RALYL: variants seen among roughly 807,000 people sequenced by gnomAD.
RALYL encodes the protein RALY RNA binding protein like.
A neutral mutation model predicts 35.1 loss-of-function variants in RALYL; 29 were observed. That is an observed-to-expected ratio of 0.83 (90% CI 0.61 to 1.13). The LOEUF (loss-of-function observed/expected upper bound fraction) is 1.13, where lower values mean the gene tolerates loss of function less well. Among genes scored for constraint, RALYL ranks in the 50% most tolerant of loss-of-function variants. RALYL has a pLI of 0.00. For synonymous variants in RALYL, 120 were observed against 127.6 expected, an observed-to-expected ratio of 0.94 and a Z score of 0.40; for missense variants, 359 against 360.4, an observed-to-expected ratio of 1.00 and a Z score of 0.03.
Position 84,396,635 on chromosome 8 carries a change from C to A in RALYL, c.-23-132664C>A, listed in dbSNP as rs190251485. Among the ~76,000 whole-genome samples the A allele has an allele frequency of 5.3e-5, 8 of 151,772 alleles. No individual in the cohort carries two copies. The East Asian group carries it at 1.6e-3, about 29-fold the overall frequency. ...AATTAAAGAAAATTAATGAAAATTC[C>A]TTTGATATAAATACTTAGGTCTTAC... is the stretch of plus-strand genomic sequence containing the variant. On this transcript the variant is annotated intron_variant, in intron 1 of 8. Transcript: ENST00000521268.
intron 8 of RALYL, among the ~76,000 whole-genome samples, chr8:84,890,307 G>T (rs1006285583): frequency 6.6e-6 from 1 of 152,158 alleles, no homozygotes; most frequent in Admixed American, 6.6e-5. Flanking sequence ...GAGTTTGAGG[G>T]AGTTCAAGCA....
At chr8:84,754,577 G>A (rs1394386853) in intron 2 of RALYL, among the ~76,000 whole-genome samples, 1 of 152,148 alleles carries the variant, frequency 6.6e-6, no homozygotes, top group Non-Finnish European at 1.5e-5. Flanking sequence ...CCTCATACTT[G>A]AAGAGTGTTT....
chr8:84,728,132 C>T (rs1163292576), intron 2 of RALYL, among the ~76,000 whole-genome samples: 1 of 151,268 alleles, frequency 6.6e-6, no homozygotes, highest in Non-Finnish European at 1.5e-5. Flanking sequence ...CTCTCCAGCA[C>T]CTGTTGTTTC....
chr8:84,875,095 A>AT (rs1840883406), intron 7 of RALYL, among the ~76,000 whole-genome samples: 1 of 152,170 alleles, frequency 6.6e-6, no homozygotes, highest in Non-Finnish European at 1.5e-5. Context: ...ATACTTTTTA[A>AT]TAAAAAAAAT....
chr8:84,664,163 C>T (rs368163585), intron 2 of RALYL, among the ~76,000 whole-genome samples: 107 of 151,404 alleles, frequency 7.1e-4, no homozygotes, highest in African/African-American at 2.5e-3. Flanking sequence ...CTATTATGTT[C>T]CATTGGTCTT....
At chr8:84,515,792 GA>G in intron 1 of RALYL, among the ~76,000 whole-genome samples, 1 of 152,044 alleles carries the variant, frequency 6.6e-6, no homozygotes, top group African/African-American at 2.4e-5. Flanking sequence ...TCCAGCCCAA[GA>G]GGTATGACAG....
At chr8:84,842,725 T>C (rs1180686525) in intron 4 of RALYL, among the ~76,000 whole-genome samples, 1 of 152,026 alleles carries the variant, frequency 6.6e-6, no homozygotes, top group Non-Finnish European at 1.5e-5. Flanking sequence ...CTCAGTAAAA[T>C]ACTGACAAAC....
intron 1 of RALYL, among the ~76,000 whole-genome samples, chr8:84,411,913 A>C (rs1378875078): frequency 2.0e-5 from 3 of 151,932 alleles, no homozygotes; most frequent in African/African-American, 7.2e-5. Flanking sequence ...ATTGTCAAAG[A>C]CTTAAACTTG....
At chr8:84,840,405 G>A (rs914130166) in intron 4 of RALYL, among the ~76,000 whole-genome samples, 1 of 152,144 alleles carries the variant, frequency 6.6e-6, no homozygotes, top group Non-Finnish European at 1.5e-5. Flanking sequence ...GAAGTGAGAA[G>A]AGAAGTTTAG....
chr8:84,301,803 A>G (rs1035221051), intron 1 of RALYL, among the ~76,000 whole-genome samples: 3 of 152,088 alleles, frequency 2.0e-5, no homozygotes, highest in Non-Finnish European at 4.4e-5. Context: ...TTTTATATAT[A>G]ATTTAATTAA....
At chr8:84,641,124 C>A (rs953888002) in intron 2 of RALYL, among the ~76,000 whole-genome samples, 2 of 151,088 alleles carry the variant, frequency 1.3e-5, no homozygotes, top group African/African-American at 4.8e-5. Context: ...AAATTATTAT[C>A]TTTTCTTTAT....
At chr8:84,339,479 C>T (rs1035591806) in intron 1 of RALYL, among the ~76,000 whole-genome samples, 1 of 151,878 alleles carries the variant, frequency 6.6e-6, no homozygotes, top group Non-Finnish European at 1.5e-5. Flanking sequence ...CATTGTCTCC[C>T]AGATGGGACC....
At chr8:84,628,511 T>C (rs1823232825) in intron 2 of RALYL, among the ~76,000 whole-genome samples, 1 of 152,166 alleles carries the variant, frequency 6.6e-6, no homozygotes, top group African/African-American at 2.4e-5. Context: ...ATTTAAGTCC[T>C]ACAGAGTAGG....
intron 2 of RALYL, among the ~76,000 whole-genome samples, chr8:84,684,391 G>T (rs1442282284): frequency 6.6e-6 from 1 of 152,136 alleles, no homozygotes; most frequent in African/African-American, 2.4e-5. Flanking sequence ...AATATAAACA[G>T]ATATGCCCAA....
At chr8:84,421,859 T>C (rs1194062710) in intron 1 of RALYL, among the ~76,000 whole-genome samples, 1 of 148,462 alleles carries the variant, frequency 6.7e-6, no homozygotes, top group East Asian at 2.0e-4. Context: ...TTTCTTGATT[T>C]GCGTATATTG....
chr8:84,641,353 G>A (rs1826277240), intron 2 of RALYL, among the ~76,000 whole-genome samples: 2 of 151,386 alleles, frequency 1.3e-5, no homozygotes, highest in Admixed American at 1.3e-4. Context: ...AAAATTTAGG[G>A]GGTAAGAAAT....
intron 1 of RALYL, among the ~76,000 whole-genome samples, chr8:84,470,044 C>T (rs989128964): frequency 1.3e-5 from 2 of 152,168 alleles, no homozygotes; most frequent in African/African-American, 4.8e-5. Flanking sequence ...CTGTCTGGCA[C>T]TTCCTAGTGA....
At chr8:84,434,712 A>G (rs1406668161) in intron 1 of RALYL, among the ~76,000 whole-genome samples, 1 of 152,156 alleles carries the variant, frequency 6.6e-6, no homozygotes, top group Non-Finnish European at 1.5e-5. Flanking sequence ...AATATAGATC[A>G]CGGCTGACTT....
At chr8:84,447,766 G>T (rs1330051218) in intron 1 of RALYL, among the ~76,000 whole-genome samples, 2 of 152,034 alleles carry the variant, frequency 1.3e-5, no homozygotes, top group East Asian at 3.9e-4. Context: ...AAGTAACGTG[G>T]TACTTTATTT....
Sources: allele counts gnomAD v4.1 joint callset (sites outside exome capture counted in the v4.1 genomes callset), GRCh38; gene constraint gnomAD v4.1.1; transcripts MANE v1.5; gene names NCBI Gene and HGNC (gene_info 2026-07-23, HGNC 2026-07-21).